The following BCL9 variants were observed in gnomAD, a reference collection of about 807,000 sequenced individuals.
BCL9 encodes BCL9 transcription coactivator, also known as B-cell CLL/lymphoma 9 protein.
A neutral mutation model predicts 88.5 loss-of-function variants in BCL9; 25 were observed. The ratio of observed to expected loss-of-function variants is 0.28; its 90% CI spans 0.21 to 0.39. The LOEUF (loss-of-function observed/expected upper bound fraction) is 0.39. Among genes scored for constraint, BCL9 ranks in the 10% least tolerant of loss-of-function variants. The pLI is 1.00. For missense variants in BCL9, 1,817 were observed against 1,877.8 expected (o/e 0.97, Z 0.60); for synonymous variants, 711 against 673.3 (o/e 1.06, Z -0.87).
chr1:147,597,605 G>A (rs1289477765), intron 1 of BCL9, among the ~76,000 whole-genome samples: 1 of 152,084 alleles, frequency 6.6e-6, no homozygotes, highest in Non-Finnish European at 1.5e-5. Flanking sequence ...CACCAAAATA[G>A]AATTCTTTCT....
intron 1 of BCL9, among the ~76,000 whole-genome samples, chr1:147,587,568 T>C (rs1553199393): frequency 6.6e-6 from 1 of 152,180 alleles, no homozygotes; most frequent in East Asian, 1.9e-4. Flanking sequence ...AGGAGGTCAA[T>C]AAACGTTTGT....
intron 1 of BCL9, among the ~76,000 whole-genome samples, chr1:147,595,089 G>T (rs782246977): frequency 2.0e-5 from 3 of 152,170 alleles, no homozygotes; most frequent in Non-Finnish European, 4.4e-5. Flanking sequence ...AAATGATAGC[G>T]GCAACAATGA....
intron 9 of BCL9, 43 bp downstream of exon 9, chr1:147,622,574 A>C: frequency 6.2e-7 from 1 of 1,608,316 alleles, no homozygotes. Context: ...GTGCTAGACC[A>C]AAGAGAAACC....
Position 147,619,947 on chromosome 1 carries a change from A to G in BCL9, c.1792A>G (p.Lys598Glu). 3 of 1,614,214 alleles carry G rather than the reference A, an allele frequency of 1.9e-6. No homozygotes were observed. The highest frequency in any genetic ancestry group is 1.3e-5 in the African/African-American group (1 of 75,058). ...AGTCAGTTGGCCAGATGATGTGCCAAAAATCCCAGATGGTCGAAATTTTCC... is the reference window on the plus strand; with the variant it reads ...AGTCAGTTGGCCAGATGATGTGCCAGAAATCCCAGATGGTCGAAATTTTCC... ...SGVSWPDDVP[K>E]IPDGRNFPPG... The change falls in exon 8 of 10, where the codon AAA becomes GAA. Residue 598 changes from lysine to glutamate, a missense_variant. Lys to Glu is a moderately conservative substitution (Grantham distance 56). Around this residue, in one of 2 missense-constraint regions of BCL9, gnomAD observed 1,228 missense variants for 1,191.6 expected, o/e 1.03. Coordinates refer to ENST00000234739, the MANE Select transcript of BCL9 (RefSeq NM_004326.4). The surrounding 1 kb of genome is among the most constrained non-coding windows in gnomAD (Gnocchi z 4.1).
chr1:147,621,399 C>T (rs1553205389), intron 8 of BCL9, among the ~76,000 whole-genome samples: 1 of 152,222 alleles, frequency 6.6e-6, no homozygotes, highest in Admixed American at 6.5e-5. Flanking sequence ...ACTGGACCCA[C>T]TGCAAGGGGC....
intron 1 of BCL9, among the ~76,000 whole-genome samples, chr1:147,572,128 G>T (rs1553197499): frequency 6.6e-6 from 1 of 151,996 alleles, no homozygotes; most frequent in African/African-American, 2.4e-5. Flanking sequence ...TGTAGTCCCA[G>T]CTACTCGAGA....
At chr1:147,602,501 C>T (rs587698332) in intron 1 of BCL9, among the ~76,000 whole-genome samples, 2 of 152,200 alleles carry the variant, frequency 1.3e-5, no homozygotes, top group African/African-American at 4.8e-5. Context: ...TGAGCCACTG[C>T]GCATGGCCTA....
chr1:147,604,487 T>A (rs1390170533), intron 1 of BCL9, among the ~76,000 whole-genome samples: 1 of 152,192 alleles, frequency 6.6e-6, no homozygotes, highest in Non-Finnish European at 1.5e-5. Context: ...AAACAATGAT[T>A]AAAATGAGGC....
chr1:147,598,266 A>G (rs1657140272), intron 1 of BCL9, among the ~76,000 whole-genome samples: 1 of 152,108 alleles, frequency 6.6e-6, no homozygotes, highest in Non-Finnish European at 1.5e-5. Flanking sequence ...CATTTTAATT[A>G]TTTTCTATTT....
In BCL9 at chr1:147,611,728, A is replaced by C. The variant is rs1553202612; in HGVS notation, c.-109A>C. ...GCAGCGAGCGCTAAGGGACGCACCC[A>C]GCAAGCAGTGGGCCAGTGCCACTGC... On this transcript the variant is annotated 5_prime_UTR_variant, in exon 4 of 10. Coordinates refer to ENST00000234739, the MANE Select transcript of BCL9 (RefSeq NM_004326.4). 1.2e-5 allele frequency: 13 copies of C among 1,061,798 alleles called. No individual in the cohort carries two copies. The highest frequency in any genetic ancestry group is 4.4e-6 in the Non-Finnish European group (3 of 685,474). The allele number at this position is 1,061,798 out of a possible 1,614,324, so 65.8% of individuals were successfully genotyped here. A position where few individuals can be genotyped will look rare whatever the true frequency, so the allele number is the denominator to read the frequency against.
At chr1:147,577,214 G>A (rs373551405) in intron 1 of BCL9, among the ~76,000 whole-genome samples, 1 of 152,146 alleles carries the variant, frequency 6.6e-6, no homozygotes, top group Admixed American at 6.5e-5. Context: ...CAAGGTCCTC[G>A]TCAGCTTTTG....
In BCL9 at chr1:147,605,903, G is replaced by C. The variant is rs587634929; in HGVS notation, c.-342-881G>C. On this transcript the variant is annotated intron_variant, in intron 2 of 9. Transcript: ENST00000234739. Reference sequence around the variant, plus strand: ...AATAAACTGGACTTCTTAGAGCAGGGAAATGGGAAAGCATCATTGAAAGAG... The same window carrying C: ...AATAAACTGGACTTCTTAGAGCAGGCAAATGGGAAAGCATCATTGAAAGAG... Among the ~76,000 whole-genome samples, 6 of 152,288 alleles carry C rather than the reference G, an allele frequency of 3.9e-5. No individual in the cohort carries two copies. In the East Asian group the frequency reaches 1.2e-3, roughly 29 times the overall value.
intron 1 of BCL9, among the ~76,000 whole-genome samples, chr1:147,600,029 C>CCTCCGCG (rs1472514776): frequency 1.3e-5 from 2 of 149,706 alleles, no homozygotes; most frequent in African/African-American, 4.9e-5. Flanking sequence ...GAGGGGGCAC[C>CCTCCGCG]CTCCGCTCGC....
At chr1:147,554,883 C>T (rs1310286791) in intron 1 of BCL9, among the ~76,000 whole-genome samples, 1 of 152,022 alleles carries the variant, frequency 6.6e-6, no homozygotes, top group Non-Finnish European at 1.5e-5. Context: ...GCCTCAGGGG[C>T]CAACATATCT....
chr1:147,605,154 T>A (rs1311894579), intron 2 of BCL9, among the ~76,000 whole-genome samples: 1 of 152,118 alleles, frequency 6.6e-6, no homozygotes, highest in African/African-American at 2.4e-5. Context: ...AGGCAGGTGG[T>A]GAGAAGTTAA....
Position 147,606,856 on chromosome 1 carries a change from T to G in BCL9, c.-270T>G, listed in dbSNP as rs1179708543. The stretch of plus-strand genomic sequence containing the variant: ...GATGAGCACTGCAGTGTCGTGACCC[T>G]TGGGGTTTTGGTGAGTACACTGATG... On this transcript the variant is annotated 5_prime_UTR_variant, in exon 3 of 10. Coordinates refer to ENST00000234739, the MANE Select transcript of BCL9 (RefSeq NM_004326.4). The G allele has an allele frequency of 1.3e-5, 2 of 152,608 alleles. No individual in the cohort carries two copies. Among genetic ancestry groups the G allele is most frequent in the African/African-American group, 2.4e-5 (1 of 41,438 alleles). 9.5% of individuals were successfully genotyped at this position (152,608 alleles called of 1,614,324 possible). A position where few individuals can be genotyped will look rare whatever the true frequency, so the allele number is the denominator to read the frequency against.
chr1:147,616,412 G>A (rs1658288535), intron 7 of BCL9, among the ~76,000 whole-genome samples: 1 of 152,154 alleles, frequency 6.6e-6, no homozygotes, highest in Non-Finnish European at 1.5e-5. Context: ...TTGTAAAATT[G>A]TAATAAATGT....
At chr1:147,562,530 T>C (rs1655426508) in intron 1 of BCL9, among the ~76,000 whole-genome samples, 1 of 152,122 alleles carries the variant, frequency 6.6e-6, no homozygotes, top group South Asian at 2.1e-4. Flanking sequence ...GAAGACCAGT[T>C]TGAGAGTTAC....
chr1:147,572,734 C>T (rs1221727456), intron 1 of BCL9, among the ~76,000 whole-genome samples: 1 of 152,200 alleles, frequency 6.6e-6, no homozygotes, highest in Non-Finnish European at 1.5e-5. Context: ...TGCGTATCAC[C>T]AAGCCTGGCT....
Sources: allele counts gnomAD v4.1 joint callset (sites outside exome capture counted in the v4.1 genomes callset), GRCh38; gene constraint gnomAD v4.1.1; regional missense constraint gnomAD v4.1.1; non-coding constraint Gnocchi (gnomAD v3.1); transcripts MANE v1.5; gene names NCBI Gene and HGNC (gene_info 2026-07-23, HGNC 2026-07-21).